Variants in ZNF454 observed in about 807,000 individuals in gnomAD.
ZNF454 encodes zinc finger protein 454.
In ZNF454, 30 loss-of-function variants were observed where a neutral mutation model predicts 48.2. That is an observed-to-expected ratio of 0.62 (90% CI 0.47 to 0.84). ZNF454 has a LOEUF of 0.84. Among genes scored for constraint, ZNF454 ranks in the 40% least tolerant of loss-of-function variants. The pLI is 0.00. For synonymous variants in ZNF454, 204 were observed against 211.4 expected (o/e 0.97, Z 0.30); for missense variants, 510 against 623.1 (o/e 0.82, Z 1.93).
At chr5:178,970,913 A>G (rs528953177), downstream of ZNF454, among the ~76,000 whole-genome samples, 192 of 152,236 alleles carry the variant, frequency 1.3e-3, no homozygotes, top group African/African-American at 4.5e-3. Flanking sequence ...GCCCCCCACA[A>G]TGACCATCGA....
chr5:178,973,583 C>T, the ZNF454 span, among the ~76,000 whole-genome samples: 2 of 152,166 alleles, frequency 1.3e-5, no homozygotes, highest in Non-Finnish European at 2.9e-5. Flanking sequence ...GTGGCTCACG[C>T]CTGTAATCCC....
chr5:178,968,905 G>A (rs115002697), downstream of ZNF454: 73 of 456,388 alleles, frequency 1.6e-4, no homozygotes, highest in African/African-American at 1.3e-3. Flanking sequence ...TAGCGTCAGC[G>A]GCATTAAGTG....
chr5:178,951,016 C>T (rs971134066), intron 4 of ZNF454, among the ~76,000 whole-genome samples: 3 of 151,954 alleles, frequency 2.0e-5, no homozygotes, highest in Admixed American at 6.6e-5. Flanking sequence ...CCTGCCACCA[C>T]GCCCGGCTAA....
downstream of ZNF454, among the ~76,000 whole-genome samples, chr5:178,968,104 A>AAC (rs1760192241): frequency 2.5e-4 from 10 of 40,280 alleles, no homozygotes; most frequent in Admixed American, 7.6e-4. Context: ...ACATCTGTGC[A>AAC]TCACACACAC....
At chr5:178,973,063 C>G in the ZNF454 span, among the ~76,000 whole-genome samples, 3 of 151,534 alleles carry the variant, frequency 2.0e-5, no homozygotes, top group African/African-American at 7.3e-5. Context: ...TGCAGTTCCT[C>G]TCCTTTCCCT....
chr5:178,946,483 T>C lies in ZNF454; in HGVS notation c.158T>C (p.Leu53Pro), dbSNP rs1252201933. 2 of 1,590,394 alleles carry C rather than the reference T, an allele frequency of 1.3e-6. No homozygotes were observed. Among genetic ancestry groups the C allele is most frequent in the Non-Finnish European group, 1.7e-6 (2 of 1,172,720 alleles). Residue 53 changes from leucine (L) to proline (P), a missense_variant and splice_region_variant, in exon 3 of 5, where the codon CTG (leucine) becomes CCG (proline). This residue lies in a region of ZNF454 where 354 missense variants were observed against 408.9 expected (regional missense o/e 0.87). Transcript: ENST00000519564. This position sits in a 1 kb window ranked among gnomAD's most constrained non-coding sequence, Gnocchi z 4.5. ...MLENYSNLVS[L>P]GLLGPKPDTF... ...GAGAACTACAGCAACCTGGTCTCAC[T>C]GGGTAAGTGGGACCCCTGCAAGGTT...
chr5:178,957,643 T>C (rs888677014), intron 4 of ZNF454, among the ~76,000 whole-genome samples: 5 of 152,126 alleles, frequency 3.3e-5, no homozygotes, highest in Non-Finnish European at 2.9e-5. Context: ...TCTCCTGACC[T>C]CCAATGTAGG....
chr5:178,968,105 T>TCTCACACACACACACACA (rs377303113), downstream of ZNF454, among the ~76,000 whole-genome samples: 2 of 144,998 alleles, frequency 1.4e-5, no homozygotes, highest in Non-Finnish European at 3.0e-5. Context: ...CATCTGTGCA[T>TCTCACACACACACACACA]CACACACACA....
intron 2 of ZNF454, among the ~76,000 whole-genome samples, chr5:178,943,511 A>G (rs1010492828): frequency 6.6e-5 from 10 of 152,276 alleles, no homozygotes; most frequent in African/African-American, 2.4e-4. Context: ...TTTCAACAGG[A>G]GAGTTGGAAG....
chr5:178,988,193 G>A, the ZNF454 span, among the ~76,000 whole-genome samples: 2 of 152,178 alleles, frequency 1.3e-5, no homozygotes, highest in East Asian at 1.9e-4. The surrounding 1 kb of genome is among the most constrained non-coding windows in gnomAD (Gnocchi z 6.0). Flanking sequence ...GTTCAGACAC[G>A]GAGAGAGGTC....
downstream of ZNF454, chr5:178,968,870 T>G (rs1171658731): frequency 2.2e-6 from 1 of 456,728 alleles, no homozygotes; most frequent in Non-Finnish European, 4.4e-6. Flanking sequence ...TGAGTCTCAT[T>G]CACCTCAGCC....
At position 178,959,546 on chromosome 5, in the gene ZNF454, G is replaced by A. The variant is rs186918337; in HGVS notation, c.251-5109G>A. Among the ~76,000 whole-genome samples the A allele has an allele frequency of 2.8e-4, 42 of 152,332 alleles. 1 individual carries two copies. The East Asian group carries it at 7.7e-3, about 28-fold the overall frequency. On this transcript the variant is annotated intron_variant, in intron 4 of 4. Transcript: ENST00000519564. ...TTTTGATAAGAATTGGGCTGAAAGT[G>A]TAGACTAATGGGGGACAATTGAGAA...
downstream of ZNF454, chr5:178,968,967 T>C (rs1399931585): frequency 2.3e-6 from 1 of 427,162 alleles, no homozygotes; most frequent in Admixed American, 2.5e-5. Flanking sequence ...TGAGTTCGCC[T>C]CTCATCAGGC....
intron 4 of ZNF454, among the ~76,000 whole-genome samples, chr5:178,951,547 A>G (rs1044310008): frequency 6.6e-6 from 1 of 152,220 alleles, no homozygotes; most frequent in Non-Finnish European, 1.5e-5. Context: ...ACATGTATGT[A>G]CTTTACTGTA....
At chr5:178,975,513 T>C in the ZNF454 span, among the ~76,000 whole-genome samples, 1 of 152,208 alleles carries the variant, frequency 6.6e-6, no homozygotes, top group Non-Finnish European at 1.5e-5. Context: ...TGAAAAGACA[T>C]GTGTACAAAA....
chr5:178,958,471 CATT>C (rs1436268040), intron 4 of ZNF454, among the ~76,000 whole-genome samples: 1 of 152,186 alleles, frequency 6.6e-6, no homozygotes, highest in Non-Finnish European at 1.5e-5. Context: ...ATAAACCTGT[CATT>C]ATTTGTACAT....
At chr5:178,973,934 T>C in the ZNF454 span, among the ~76,000 whole-genome samples, 14 of 151,880 alleles carry the variant, frequency 9.2e-5, no homozygotes, top group Non-Finnish European at 1.6e-4. Flanking sequence ...AGTGTGTACA[T>C]AGGCAGAGAA....
chr5:178,950,450 C>T (rs145401376), intron 4 of ZNF454, among the ~76,000 whole-genome samples: 149 of 152,284 alleles, frequency 9.8e-4, no homozygotes, highest in African/African-American at 3.1e-3. Context: ...TTTTAAGAGG[C>T]AAGTCAGGGT....
intron 4 of ZNF454, among the ~76,000 whole-genome samples, chr5:178,964,245 T>C (rs997958013): frequency 2.0e-5 from 3 of 151,716 alleles, no homozygotes; most frequent in South Asian, 4.2e-4. Flanking sequence ...CTCAGCCTCC[T>C]GAGTAGCTGG....
Sources: allele counts gnomAD v4.1 joint callset (sites outside exome capture counted in the v4.1 genomes callset), GRCh38; gene constraint gnomAD v4.1.1; regional missense constraint gnomAD v4.1.1; non-coding constraint Gnocchi (gnomAD v3.1); transcripts MANE v1.5; gene names NCBI Gene and HGNC (gene_info 2026-07-23, HGNC 2026-07-21).